WDR27: variants seen among roughly 807,000 people sequenced by gnomAD.
WDR27 encodes the protein WD repeat domain 27.
Under a neutral mutation model 114.4 loss-of-function variants are expected in WDR27, and 100 were observed. That is an observed-to-expected ratio of 0.87 (90% CI 0.74 to 1.03). The LOEUF is 1.03. Ranked by LOEUF, WDR27 falls within the 50% of genes least tolerant of loss-of-function variation. WDR27 has a pLI of 0.00. For missense variants in WDR27, 1,129 were observed against 1,092.9 expected (o/e 1.03, Z -0.47); for synonymous variants, 449 against 423.1 (o/e 1.06, Z -0.75).
At chr6:169,560,800 C>G (rs193086989) in intron 25 of WDR27, among the ~76,000 whole-genome samples, 1 of 152,270 alleles carries the variant, frequency 6.6e-6, no homozygotes, top group African/African-American at 2.4e-5. Context: ...GATACACACA[C>G]GCCCCTCACA....
chr6:169,583,043 C>G, intron 23 of WDR27, 109 bp from the exon 24 acceptor site: 1 of 805,842 alleles, frequency 1.2e-6, no homozygotes. Flanking sequence ...TGATCAGATA[C>G]AACAGCAACA....
rs1283501259 is a variant in WDR27 at position 169,691,032 on chromosome 6, G to A, written c.-7-2020C>T. ...AGATCGAGACCATCCTGGCTAACACGGTGAAACCCTGTCTCTACTAAAAAT... is the reference window on the plus strand; with the variant it reads ...AGATCGAGACCATCCTGGCTAACACAGTGAAACCCTGTCTCTACTAAAAAT... On this transcript the variant is annotated intron_variant, in intron 1 of 25. Coordinates refer to ENST00000448612, the MANE Select transcript of WDR27 (RefSeq NM_182552.5). Among the ~76,000 whole-genome samples, 9 of 152,246 alleles carry A rather than the reference G, an allele frequency of 5.9e-5. No homozygotes were observed. The South Asian group carries it at 6.2e-4, about 11-fold the overall frequency.
intron 25 of WDR27, among the ~76,000 whole-genome samples, chr6:169,481,640 T>A (rs999500972): frequency 2.0e-5 from 3 of 152,010 alleles, no homozygotes; most frequent in Non-Finnish European, 4.4e-5. Context: ...GCACTGCCTT[T>A]ATGAGCTGTA....
chr6:169,659,270 A>C lies in WDR27; in HGVS notation c.1198-63T>G, dbSNP rs1366640022. The stretch of plus-strand genomic sequence containing the variant: ...CCCAGTAAAAGCAGACGAAACGTGC[A>C]TCCGCACACGTATCCTAACAGCTGC... On this transcript the variant is annotated intron_variant, in intron 11 of 25. Transcript: ENST00000448612. The surrounding 1 kb of genome is among the most constrained non-coding windows in gnomAD (Gnocchi z 4.3). The C allele has an allele frequency of 1.2e-5, 18 of 1,557,678 alleles. No individual in the cohort carries two copies. The highest frequency in any genetic ancestry group is 1.6e-5 in the Non-Finnish European group (18 of 1,149,604).
At chr6:169,466,760 A>G (rs1309652222) in intron 25 of WDR27, among the ~76,000 whole-genome samples, 4 of 152,190 alleles carry the variant, frequency 2.6e-5, no homozygotes, top group Non-Finnish European at 4.4e-5. Context: ...GCCAAACCAA[A>G]TTATTCTGCC....
At chr6:169,481,735 G>A (rs146846327) in intron 25 of WDR27, among the ~76,000 whole-genome samples, 154 of 151,766 alleles carry the variant, frequency 1.0e-3, no homozygotes, top group African/African-American at 3.6e-3. Context: ...CTCCAGACGG[G>A]AGGAATGAAC....
intron 2 of WDR27, among the ~76,000 whole-genome samples, chr6:169,680,810 A>G (rs1391361827): frequency 6.6e-6 from 1 of 152,252 alleles, no homozygotes; most frequent in Non-Finnish European, 1.5e-5. Flanking sequence ...ATTACCAGGG[A>G]TCAAAAAACA....
the WDR27 span, among the ~76,000 whole-genome samples, chr6:169,440,957 A>T: frequency 0.54 from 82,502 of 151,700 alleles, 24,705 homozygotes; most frequent in East Asian, 0.91. Context: ...TACAAATTAA[A>T]TTTATTATAT....
At chr6:169,590,397 C>G (rs949193556) in intron 23 of WDR27, among the ~76,000 whole-genome samples, 1 of 152,204 alleles carries the variant, frequency 6.6e-6, no homozygotes, top group Non-Finnish European at 1.5e-5. Flanking sequence ...TCTGAATATT[C>G]TGCACATTTC....
intron 21 of WDR27, 110 bp from the exon 22 acceptor site, chr6:169,613,766 GT>G (rs2128187143): frequency 2.0e-6 from 2 of 984,588 alleles, no homozygotes; most frequent in Non-Finnish European, 1.5e-6. Context: ...TTAACACAAA[GT>G]TTTTTTCTTA....
chr6:169,438,870 A>G, the WDR27 span, among the ~76,000 whole-genome samples: 1 of 152,214 alleles, frequency 6.6e-6, no homozygotes, highest in African/African-American at 2.4e-5. Flanking sequence ...GGTCATCTCT[A>G]GTACAGGTCT....
intron 25 of WDR27, among the ~76,000 whole-genome samples, chr6:169,531,080 G>A (rs1264254083): frequency 2.0e-5 from 3 of 152,140 alleles, no homozygotes; most frequent in South Asian, 4.2e-4. Context: ...CAGAATCTTG[G>A]CCAGCCCTGT....
At chr6:169,574,492 G>GT (rs1371016067) in intron 24 of WDR27, among the ~76,000 whole-genome samples, 3 of 152,218 alleles carry the variant, frequency 2.0e-5, no homozygotes, top group African/African-American at 7.2e-5. Flanking sequence ...CAAAAGTGAT[G>GT]TGAGTTCCCT....
chr6:169,639,475 GA>G (rs201405578), intron 17 of WDR27, among the ~76,000 whole-genome samples: 316 of 147,474 alleles, frequency 2.1e-3, no homozygotes, highest in African/African-American at 6.3e-3. Flanking sequence ...AGAAAAAAGT[GA>G]AAAAAAAAAA....
rs1249255822 is a variant in WDR27, at chr6:169,670,570, T to C, written c.455A>G (p.Glu152Gly). 10 of 1,613,842 alleles carry C rather than the reference T, an allele frequency of 6.2e-6. No individual in the cohort carries two copies. In the African/African-American group the frequency reaches 1.1e-4, roughly 17 times the overall value. ...AATCCACGTGAATTTCAATCTTACC[T>C]CAATATCCAGCATGAATATTTTGTT... ...AGNKIFMLDI[E>G]QRFSVTYIER... Residue 152 changes from glutamate (E) to glycine (G), a missense_variant and splice_region_variant, in exon 4 of 26, where the codon GAG becomes GGG. Glu to Gly is a moderately conservative substitution (Grantham distance 98). Transcript: ENST00000448612.
At chr6:169,441,679 G>A in the WDR27 span, among the ~76,000 whole-genome samples, 5 of 152,264 alleles carry the variant, frequency 3.3e-5, no homozygotes, top group Non-Finnish European at 7.4e-5. Context: ...TCACCAATCC[G>A]AGCTTGCCAG....
intron 25 of WDR27, among the ~76,000 whole-genome samples, chr6:169,554,689 C>A (rs1287873841): frequency 6.6e-6 from 1 of 152,194 alleles, no homozygotes; most frequent in Admixed American, 6.5e-5. Flanking sequence ...CACCACCACC[C>A]TCTGTGCTGG....
chr6:169,498,047 T>C (rs951115642), intron 25 of WDR27, among the ~76,000 whole-genome samples: 2 of 152,128 alleles, frequency 1.3e-5, no homozygotes, highest in African/African-American at 4.8e-5. Flanking sequence ...AAACATGGTA[T>C]ATCCATACAC....
intron 24 of WDR27, among the ~76,000 whole-genome samples, chr6:169,578,702 T>C (rs1480482779): frequency 6.6e-6 from 1 of 152,070 alleles, no homozygotes. Flanking sequence ...AAGAACTCGA[T>C]AACGAGGAAA....
Sources: gnomAD v4.1 joint callset for allele counts (sites outside exome capture counted in the v4.1 genomes callset) on GRCh38, gnomAD v4.1.1 for gene constraint, Gnocchi (gnomAD v3.1) non-coding constraint, MANE v1.5 for transcripts, NCBI Gene and HGNC (gene_info 2026-07-23, HGNC 2026-07-21) for gene names.